The following CSMD1 variants were observed in gnomAD, a reference collection of about 807,000 sequenced individuals.
CSMD1 encodes CUB and sushi domain-containing protein 1.
A neutral mutation model predicts 417.5 loss-of-function variants in CSMD1; 213 were observed. That is an observed-to-expected ratio of 0.51 (90% CI 0.46 to 0.57). The LOEUF (loss-of-function observed/expected upper bound fraction) is 0.57, where lower values mean the gene tolerates loss of function less well. CSMD1 is among the 20% of genes least tolerant of loss of function. The pLI is 0.00. For missense variants in CSMD1, 6,923 were observed against 4,529.7 expected (o/e 1.53, Z -15.17); for synonymous variants, 2,862 against 1,736.8 (o/e 1.65, Z -16.11).
chr8:4,442,561 G>C (rs915861917), intron 2 of CSMD1, among the ~76,000 whole-genome samples: 7 of 152,108 alleles, frequency 4.6e-5, no homozygotes, highest in African/African-American at 7.2e-5. Flanking sequence ...CAACTAAAGA[G>C]ATTTTATCTT....
chr8:3,241,927 C>G (rs939811983), intron 26 of CSMD1, among the ~76,000 whole-genome samples: 3 of 147,486 alleles, frequency 2.0e-5, no homozygotes, highest in South Asian at 2.3e-4. Context: ...TATTTAATGC[C>G]GGGAGCAGAT....
At chr8:4,947,936 G>A (rs949467340) in intron 1 of CSMD1, among the ~76,000 whole-genome samples, 2 of 151,940 alleles carry the variant, frequency 1.3e-5, no homozygotes, top group Non-Finnish European at 2.9e-5. Context: ...TGGGTGCTTT[G>A]TGCGTTTATT....
At chr8:3,252,528 T>G (rs1563188518) in intron 26 of CSMD1, among the ~76,000 whole-genome samples, 1 of 152,294 alleles carries the variant, frequency 6.6e-6, no homozygotes, top group East Asian at 1.9e-4. Context: ...ATTCTCTTTT[T>G]TTGTTGTGTG....
intron 3 of CSMD1, among the ~76,000 whole-genome samples, chr8:4,314,812 G>A (rs1798826351): frequency 1.3e-5 from 2 of 152,158 alleles, no homozygotes; most frequent in South Asian, 4.1e-4. Context: ...AAGACCACAG[G>A]AAAAGGGCAA....
intron 5 of CSMD1, among the ~76,000 whole-genome samples, chr8:3,755,355 A>G (rs1473314881): frequency 6.6e-6 from 1 of 152,244 alleles, no homozygotes; most frequent in African/African-American, 2.4e-5. Flanking sequence ...ATGCACATGT[A>G]AATGTACCTG....
At chr8:4,422,598 G>T (rs193286948) in intron 2 of CSMD1, among the ~76,000 whole-genome samples, 109 of 152,120 alleles carry the variant, frequency 7.2e-4, no homozygotes, top group Non-Finnish European at 7.4e-5. Flanking sequence ...TCTGGACCCT[G>T]ATCTCAGACT....
At chr8:4,269,981 A>G (rs542956313) in intron 3 of CSMD1, among the ~76,000 whole-genome samples, 1 of 152,286 alleles carries the variant, frequency 6.6e-6, no homozygotes, top group Admixed American at 6.5e-5. Flanking sequence ...CAAAATGTTG[A>G]CCTGAGCTTG....
chr8:4,341,976 G>A (rs1001670227), intron 3 of CSMD1, among the ~76,000 whole-genome samples: 2 of 152,076 alleles, frequency 1.3e-5, no homozygotes, highest in South Asian at 2.1e-4. Flanking sequence ...TTCAAGAGAC[G>A]AAAGTGGCCT....
At chr8:3,486,775 G>A (rs1270657205) in intron 11 of CSMD1, among the ~76,000 whole-genome samples, 2 of 152,198 alleles carry the variant, frequency 1.3e-5, no homozygotes, top group Non-Finnish European at 2.9e-5. Context: ...GACTCTGCTG[G>A]CTTTCCCAGA....
intron 1 of CSMD1, among the ~76,000 whole-genome samples, chr8:4,909,789 G>T (rs994007342): frequency 1.3e-5 from 2 of 152,156 alleles, no homozygotes; most frequent in Non-Finnish European, 2.9e-5. Flanking sequence ...TGTTTTGGTT[G>T]TGACTCTGTG....
chr8:4,737,611 C>A lies in CSMD1; in HGVS notation c.86-100053G>T, dbSNP rs150051420. Among the ~76,000 whole-genome samples the A allele has an allele frequency of 3.4e-3, 518 of 152,216 alleles. 6 individuals are homozygous for A. Among genetic ancestry groups the A allele is most frequent in the Non-Finnish European group, 2.4e-3 (164 of 68,022 alleles). ...TTCTTCATCTCTATCTTTATACTAGCACTATATTTTACACATTTTTTACCA... is the reference window on the plus strand; with the variant it reads ...TTCTTCATCTCTATCTTTATACTAGAACTATATTTTACACATTTTTTACCA... On this transcript the variant is annotated intron_variant, in intron 1 of 69. Transcript: ENST00000635120.
At chr8:3,589,750 A>C (rs185729837) in intron 8 of CSMD1, among the ~76,000 whole-genome samples, 51 of 152,304 alleles carry the variant, frequency 3.3e-4, no homozygotes, top group Middle Eastern at 3.4e-3. Flanking sequence ...AGATTTTGAA[A>C]GTTGTCACCA....
chr8:4,682,355 C>T (rs373903970), intron 1 of CSMD1, among the ~76,000 whole-genome samples: 84 of 152,204 alleles, frequency 5.5e-4, no homozygotes, highest in African/African-American at 1.9e-3. Flanking sequence ...TTTGATTAGT[C>T]AGAATGCTGT....
In CSMD1 at chr8:3,511,585, C is replaced by G. The variant is rs368049805; in HGVS notation, c.1345-17859G>C. Among the ~76,000 whole-genome samples, 753 of 151,424 alleles carry G rather than the reference C, an allele frequency of 5.0e-3. 9 individuals are homozygous for G. The highest frequency in any genetic ancestry group is 0.026 in the South Asian group (123 of 4,816). On this transcript the variant is annotated intron_variant, in intron 10 of 69. Coordinates refer to ENST00000635120, the MANE Select transcript of CSMD1 (RefSeq NM_033225.6). Reference sequence around the variant, plus strand: ...GCCCGGCCAAAATGGTGAAACCCCTCTCTACTAAAAATATGAAAAAAGATT... The same window carrying G: ...GCCCGGCCAAAATGGTGAAACCCCTGTCTACTAAAAATATGAAAAAAGATT...
intron 2 of CSMD1, among the ~76,000 whole-genome samples, chr8:4,573,662 C>G (rs1031912773): frequency 6.6e-6 from 1 of 152,088 alleles, no homozygotes; most frequent in African/African-American, 2.4e-5. Context: ...GGTAGGAGAT[C>G]TGCTGCTGTC....
At chr8:4,713,744 A>C (rs1256089327) in intron 1 of CSMD1, among the ~76,000 whole-genome samples, 1 of 152,162 alleles carries the variant, frequency 6.6e-6, no homozygotes, top group Non-Finnish European at 1.5e-5. Flanking sequence ...CCCCTGAGGC[A>C]ACTCCACGGA....
rs1197183150 is a variant in CSMD1 at position 3,140,230 on chromosome 8, A to C, written c.6241+2235T>G. ...CCGATTACCCTTAAGTAGGAGGTACATTCTCTTCCATTGAAAAAGAGAGAG... is the reference window on the plus strand; with the variant it reads ...CCGATTACCCTTAAGTAGGAGGTACCTTCTCTTCCATTGAAAAAGAGAGAG... On this transcript the variant is annotated intron_variant, in intron 41 of 69. Coordinates refer to ENST00000635120, the MANE Select transcript of CSMD1 (RefSeq NM_033225.6). Among the ~76,000 whole-genome samples the C allele has an allele frequency of 3.3e-5, 5 of 152,164 alleles. No individual in the cohort carries two copies. In the East Asian group the frequency reaches 9.7e-4, roughly 29 times the overall value.
chr8:3,984,046 G>C (rs942192923), intron 5 of CSMD1, among the ~76,000 whole-genome samples: 1 of 72,222 alleles, frequency 1.4e-5, no homozygotes, highest in Non-Finnish European at 3.1e-5. Flanking sequence ...CGGCAGATCT[G>C]ATGGGGCTGT....
intron 1 of CSMD1, among the ~76,000 whole-genome samples, chr8:4,795,338 C>A (rs1236195575): frequency 8.0e-6 from 1 of 124,944 alleles, no homozygotes; most frequent in Non-Finnish European, 1.6e-5. Flanking sequence ...GTGACACGAT[C>A]TTGGCTCACT....
Sources: gnomAD v4.1 joint callset for allele counts (sites outside exome capture counted in the v4.1 genomes callset) on GRCh38, gnomAD v4.1.1 for gene constraint, MANE v1.5 for transcripts, NCBI Gene and HGNC (gene_info 2026-07-23, HGNC 2026-07-21) for gene names.